The following SHANK2 variants were observed in gnomAD, a reference collection of about 807,000 sequenced individuals.
The protein encoded by SHANK2 is SH3 and multiple ankyrin repeat domains 2.
A neutral mutation model predicts 133.7 loss-of-function variants in SHANK2; 43 were observed. That is an observed-to-expected ratio of 0.32 (90% confidence interval 0.25 to 0.41). The LOEUF is 0.41. Ranked by LOEUF, SHANK2 falls within the 10% of genes least tolerant of loss-of-function variation. The probability of loss-of-function intolerance (pLI) is 1.00; values close to 1 mark genes in which losing one functional copy is unlikely to be tolerated. For synonymous variants in SHANK2, 1,017 were observed against 952.8 expected (o/e 1.07, Z -1.24); for missense variants, 1,994 against 2,235.8 (o/e 0.89, Z 2.18).
chr11:71,215,520 A>G (rs1231276628), intron 2 of SHANK2, among the ~76,000 whole-genome samples: 1 of 152,212 alleles, frequency 6.6e-6, no homozygotes, highest in Non-Finnish European at 1.5e-5. Context: ...ACGTGAGGTC[A>G]GGCCTGAAAA....
chr11:70,933,087 A>G (rs2135808246), intron 10 of SHANK2: 1 of 456,292 alleles, frequency 2.2e-6, no homozygotes, highest in Middle Eastern at 3.3e-4. Flanking sequence ...AGCATGATTC[A>G]CACTAGCCAG....
At chr11:70,653,224 T>C (rs1555010634) in intron 17 of SHANK2, among the ~76,000 whole-genome samples, 1 of 152,210 alleles carries the variant, frequency 6.6e-6, no homozygotes, top group African/African-American at 2.4e-5. Context: ...CCGCCTGCCT[T>C]GGCCTCCCAA....
chr11:70,659,694 C>T (rs2061455947), intron 17 of SHANK2, 134 bp downstream of exon 17: 1 of 1,091,718 alleles, frequency 9.2e-7, no homozygotes, highest in Non-Finnish European at 1.4e-6. Flanking sequence ...GAGAAACTGA[C>T]CAATGAAAGT....
intron 17 of SHANK2, among the ~76,000 whole-genome samples, chr11:70,654,757 G>GT (rs2061384102): frequency 7.0e-6 from 1 of 143,544 alleles, no homozygotes; most frequent in Admixed American, 7.0e-5. Context: ...ACCTGGTTTT[G>GT]TTTTTGTTTT....
chr11:70,708,937 G>A (rs367678445), intron 14 of SHANK2, among the ~76,000 whole-genome samples: 72 of 152,316 alleles, frequency 4.7e-4, no homozygotes, highest in Middle Eastern at 3.4e-3. Context: ...AGGGCAGGGC[G>A]TGGTGGCTCA....
At chr11:71,087,065 A>C (rs1418111882) in intron 8 of SHANK2, among the ~76,000 whole-genome samples, 1 of 152,166 alleles carries the variant, frequency 6.6e-6, no homozygotes, top group African/African-American at 2.4e-5. Flanking sequence ...CCCAGAGCTC[A>C]AGCCTCCAAG....
At chr11:71,249,927 G>T (rs1948150569) in intron 1 of SHANK2, among the ~76,000 whole-genome samples, 1 of 152,214 alleles carries the variant, frequency 6.6e-6, no homozygotes, top group Non-Finnish European at 1.5e-5. Flanking sequence ...GATATCACCT[G>T]GCTCCCCAAG....
intron 25 of SHANK2, chr11:70,475,176 G>A (rs1555149901): frequency 6.6e-6 from 1 of 152,204 alleles, no homozygotes; most frequent in African/African-American, 2.4e-5. Flanking sequence ...TCCCAAAGAG[G>A]AGCCCACAGA....
At chr11:70,947,446 G>A (rs1555085684) in intron 10 of SHANK2, among the ~76,000 whole-genome samples, 1 of 149,186 alleles carries the variant, frequency 6.7e-6, no homozygotes, top group African/African-American at 2.5e-5. Context: ...TCCACTTCCA[G>A]GGTTACAGCT....
intron 2 of SHANK2, among the ~76,000 whole-genome samples, chr11:71,165,676 C>T (rs1263928584): frequency 2.6e-5 from 4 of 152,144 alleles, no homozygotes; most frequent in Non-Finnish European, 4.4e-5. Flanking sequence ...CAGGGGTTGC[C>T]GGGGGACCTG....
At chr11:70,608,818 G>A (rs890322608) in intron 17 of SHANK2, among the ~76,000 whole-genome samples, 3 of 152,216 alleles carry the variant, frequency 2.0e-5, no homozygotes, top group African/African-American at 7.2e-5. Context: ...TCAGCTAAAC[G>A]CGGTCTATTA....
chr11:70,484,857 C>A (rs2058778917), intron 25 of SHANK2, among the ~76,000 whole-genome samples: 1 of 152,156 alleles, frequency 6.6e-6, no homozygotes, highest in Non-Finnish European at 1.5e-5. Context: ...GAAGAAGAAC[C>A]CACACGTGTA....
chr11:70,875,480 C>T (rs1453987874), intron 11 of SHANK2, among the ~76,000 whole-genome samples: 2 of 151,820 alleles, frequency 1.3e-5, no homozygotes, highest in Admixed American at 1.3e-4. Flanking sequence ...GCCGAGATTG[C>T]GCCACTGCAC....
At chr11:70,583,109 G>A (rs560016837) in intron 17 of SHANK2, among the ~76,000 whole-genome samples, 2 of 152,286 alleles carry the variant, frequency 1.3e-5, no homozygotes, top group South Asian at 4.1e-4. Context: ...CCTGGGGCAG[G>A]GGCACTGGGC....
At position 70,804,398 on chromosome 11, in the gene SHANK2, T is replaced by C. The variant is rs912791881; in HGVS notation, c.1663+2604A>G. On this transcript the variant is annotated intron_variant, in intron 13 of 25. Coordinates refer to ENST00000601538, the MANE Select transcript of SHANK2 (RefSeq NM_012309.5). This position sits in a 1 kb window ranked among gnomAD's most constrained non-coding sequence, Gnocchi z 4.1. ...GGGCTCCGTGCCAATTGTGTGCAAA[T>C]GGCCTGCGCGGCCCACTCGAATCTC... Among the ~76,000 whole-genome samples the C allele has an allele frequency of 6.6e-6, 1 of 152,188 alleles. No individual in the cohort carries two copies.
intron 1 of SHANK2, among the ~76,000 whole-genome samples, chr11:71,235,736 G>T (rs963179953): frequency 1.3e-5 from 2 of 152,116 alleles, no homozygotes; most frequent in African/African-American, 4.8e-5. Flanking sequence ...AAGGCAAAAG[G>T]CCACCATGTA....
chr11:70,553,654 AC>A (rs2059796314), intron 17 of SHANK2, among the ~76,000 whole-genome samples: 1 of 152,100 alleles, frequency 6.6e-6, no homozygotes, highest in Admixed American at 6.5e-5. Context: ...GGGCTCTTTC[AC>A]CGAGGGCCAT....
chr11:70,551,601 C>T (rs1358077068), intron 17 of SHANK2, among the ~76,000 whole-genome samples: 1 of 152,222 alleles, frequency 6.6e-6, no homozygotes, highest in Non-Finnish European at 1.5e-5. Context: ...TTTTTTCACT[C>T]AAATTCCCAA....
At chr11:71,198,971 C>T (rs1953967538) in intron 2 of SHANK2, among the ~76,000 whole-genome samples, 3 of 152,182 alleles carry the variant, frequency 2.0e-5, no homozygotes, top group African/African-American at 7.2e-5. Context: ...AATTCCATCC[C>T]GTTCTGCTCA....
Sources: allele counts gnomAD v4.1 joint callset (sites outside exome capture counted in the v4.1 genomes callset), GRCh38; gene constraint gnomAD v4.1.1; non-coding constraint Gnocchi (gnomAD v3.1); transcripts MANE v1.5; gene names NCBI Gene and HGNC (gene_info 2026-07-23, HGNC 2026-07-21).